The following NWD2 variants were observed in gnomAD, a reference collection of about 807,000 sequenced individuals.
NWD2 encodes NACHT and WD repeat domain containing 2.
Under a neutral mutation model 132.7 loss-of-function variants are expected in NWD2, and 37 were observed. That is an observed-to-expected ratio of 0.28 (90% confidence interval 0.21 to 0.37). NWD2 has a LOEUF of 0.37. NWD2 is among the 10% of genes least tolerant of loss of function. NWD2 has a pLI of 1.00. For synonymous variants in NWD2, 705 were observed against 803.0 expected (o/e 0.88, Z 2.06); for missense variants, 1,592 against 2,122.4 (o/e 0.75, Z 4.91).
chr4:37,287,675 C>T (rs925252512), intron 1 of NWD2, among the ~76,000 whole-genome samples: 6 of 152,172 alleles, frequency 3.9e-5, no homozygotes, highest in African/African-American at 9.7e-5. Flanking sequence ...GAGGGGTGGC[C>T]GCAGTCTTTG....
chr4:37,415,263 C>G (rs962813201), intron 3 of NWD2, among the ~76,000 whole-genome samples: 4 of 152,310 alleles, frequency 2.6e-5, no homozygotes, highest in Middle Eastern at 3.4e-3. Flanking sequence ...ACCTCTCTCA[C>G]TCTCAGATCT....
chr4:37,316,774 T>A (rs1366576933), intron 1 of NWD2, among the ~76,000 whole-genome samples: 1 of 152,212 alleles, frequency 6.6e-6, no homozygotes, highest in Non-Finnish European at 1.5e-5. Flanking sequence ...GTTGACATTT[T>A]TTCTGTGTCA....
intron 2 of NWD2, among the ~76,000 whole-genome samples, chr4:37,336,952 G>GAAAAA (rs11371327): frequency 4.2e-5 from 5 of 118,992 alleles, no homozygotes; most frequent in Admixed American, 9.2e-5. Flanking sequence ...CTCAAAAAAA[G>GAAAAA]AAAAAAAAAA....
intron 6 of NWD2, among the ~76,000 whole-genome samples, chr4:37,442,400 A>G (rs1712510528): frequency 1.3e-5 from 2 of 152,162 alleles, no homozygotes; most frequent in South Asian, 4.1e-4. Context: ...ATCCTTTAAC[A>G]CCACAGAGTA....
At chr4:37,376,539 G>C (rs1021956874) in intron 3 of NWD2, among the ~76,000 whole-genome samples, 3 of 152,096 alleles carry the variant, frequency 2.0e-5, no homozygotes, top group African/African-American at 7.2e-5. Flanking sequence ...GTGGAACATG[G>C]TTATATTAGA....
At chr4:37,387,668 TTC>T (rs1249784955) in intron 3 of NWD2, among the ~76,000 whole-genome samples, 2 of 134,538 alleles carry the variant, frequency 1.5e-5, no homozygotes, top group Non-Finnish European at 3.1e-5. Flanking sequence ...CTTTGAAATA[TTC>T]TTTTTTTTTT....
At chr4:37,370,973 C>T (rs1720214571) in intron 3 of NWD2, among the ~76,000 whole-genome samples, 1 of 152,038 alleles carries the variant, frequency 6.6e-6, no homozygotes, top group African/African-American at 2.4e-5. Flanking sequence ...ACCGCCACAC[C>T]TGCTTACATA....
chr4:37,321,778 C>A (rs1378657918), intron 1 of NWD2, among the ~76,000 whole-genome samples: 1 of 152,032 alleles, frequency 6.6e-6, no homozygotes, highest in Non-Finnish European at 1.5e-5. Flanking sequence ...TTTTCAGAGC[C>A]AATCATATAT....
rs1414192157 is a variant in NWD2 at position 37,444,158 on chromosome 4, G to T, written c.2170G>T (p.Val724Leu). The T allele has an allele frequency of 6.4e-7, 1 of 1,551,608 alleles. No individual in the cohort carries two copies. The highest frequency in any genetic ancestry group is 2.4e-5 in the East Asian group (1 of 40,940). The change falls in exon 7 of 7, where the codon GTG (valine) becomes TTG (leucine). Residue 724 changes from valine (V) to leucine (L), a missense_variant. Val to Leu is a conservative substitution (Grantham distance 32). Around this residue, in one of 7 missense-constraint regions of NWD2, gnomAD observed 1,071 missense variants for 1,398.0 expected, o/e 0.77. Transcript: ENST00000309447. This position sits in a 1 kb window ranked among gnomAD's most constrained non-coding sequence, Gnocchi z 4.8. ...GLSGYLIERH[V>L]KNVTLLVWAN... ...CAGTGGATACCTAATAGAAAGACATGTGAAAAATGTCACACTCCTAGTCTG... is the reference window on the plus strand; with the variant it reads ...CAGTGGATACCTAATAGAAAGACATTTGAAAAATGTCACACTCCTAGTCTG...
chr4:37,419,401 G>A (rs1219143321), intron 3 of NWD2, among the ~76,000 whole-genome samples: 1 of 152,142 alleles, frequency 6.6e-6, no homozygotes, highest in African/African-American at 2.4e-5. Context: ...TTGACAAATG[G>A]AATCTAATTA....
chr4:37,374,221 C>A (rs1720298617), intron 3 of NWD2, among the ~76,000 whole-genome samples: 1 of 152,198 alleles, frequency 6.6e-6, no homozygotes, highest in African/African-American at 2.4e-5. Flanking sequence ...CCTCCTCCTC[C>A]TCTGTTGCTC....
chr4:37,381,100 C>T (rs995601713), intron 3 of NWD2, among the ~76,000 whole-genome samples: 1 of 152,278 alleles, frequency 6.6e-6, no homozygotes, highest in Admixed American at 6.5e-5. Flanking sequence ...GATCCTAACA[C>T]GTCAAGCCTC....
chr4:37,287,654 GC>G (rs1395768032), intron 1 of NWD2, among the ~76,000 whole-genome samples: 5 of 152,198 alleles, frequency 3.3e-5, no homozygotes, highest in African/African-American at 1.2e-4. Context: ...CTGGGCATGA[GC>G]CCCTAGGGGG....
intron 3 of NWD2, among the ~76,000 whole-genome samples, chr4:37,429,458 T>C (rs956209785): frequency 6.6e-6 from 1 of 151,860 alleles, no homozygotes; most frequent in Admixed American, 6.6e-5. Flanking sequence ...GAGATTACAG[T>C]CACATGCCAC....
At chr4:37,315,106 G>C (rs1279739120) in intron 1 of NWD2, among the ~76,000 whole-genome samples, 2 of 152,034 alleles carry the variant, frequency 1.3e-5, no homozygotes, top group African/African-American at 2.4e-5. Context: ...CCAAAATGCA[G>C]GTTGTTGATT....
intron 3 of NWD2, among the ~76,000 whole-genome samples, chr4:37,368,283 C>T (rs992420564): frequency 6.6e-6 from 1 of 152,148 alleles, no homozygotes; most frequent in East Asian, 1.9e-4. Context: ...TAATTTTTCT[C>T]CCCTTGCACT....
rs188111849 is a variant in NWD2 at position 37,387,819 on chromosome 4, C to A, written c.357+31337C>A. Among the ~76,000 whole-genome samples the A allele has an allele frequency of 4.6e-3, 693 of 151,986 alleles. 4 individuals carry two copies. The highest frequency in any genetic ancestry group is 0.016 in the African/African-American group (655 of 41,444). On this transcript the variant is annotated intron_variant, in intron 3 of 6. Coordinates refer to ENST00000309447, the MANE Select transcript of NWD2 (RefSeq NM_001144990.2). ...CCTACTGAGTAGGTGGGATTACAGG[C>A]ACCCGCCATCATGCCTGGCTAATTT...
chr4:37,303,605 C>T (rs1438315842), intron 1 of NWD2, among the ~76,000 whole-genome samples: 4 of 152,046 alleles, frequency 2.6e-5, no homozygotes, highest in African/African-American at 9.7e-5. Flanking sequence ...TGTATGTCCT[C>T]TTCAATTTCT....
chr4:37,387,136 A>G (rs1243895948), intron 3 of NWD2, among the ~76,000 whole-genome samples: 4 of 152,202 alleles, frequency 2.6e-5, no homozygotes, highest in Non-Finnish European at 5.9e-5. Context: ...ACATTATCCT[A>G]GGTCATCATC....
Sources: gnomAD v4.1 joint callset for allele counts (sites outside exome capture counted in the v4.1 genomes callset) on GRCh38, gnomAD v4.1.1 for gene constraint, gnomAD v4.1.1 regional missense constraint, Gnocchi (gnomAD v3.1) non-coding constraint, MANE v1.5 for transcripts, NCBI Gene and HGNC (gene_info 2026-07-23, HGNC 2026-07-21) for gene names.